The following PIGN variants were observed in gnomAD, a reference collection of about 807,000 sequenced individuals.
The protein encoded by PIGN is phosphatidylinositol glycan anchor biosynthesis class N, also known as GPI ethanolamine phosphate transferase 1.
A neutral mutation model predicts 125.4 loss-of-function variants in PIGN; 117 were observed. That is an observed-to-expected ratio of 0.93 (90% CI 0.80 to 1.09). PIGN has a LOEUF of 1.09. Ranked by LOEUF, PIGN falls within the 50% of genes least tolerant of loss-of-function variation. The pLI is 0.00. For synonymous variants in PIGN, 392 were observed against 377.8 expected (o/e 1.04, Z -0.44); for missense variants, 1,075 against 1,094.9 (o/e 0.98, Z 0.26).
rs956647836 is a variant in PIGN at position 62,100,298 on chromosome 18, T to A, written c.2077+777A>T. Among the ~76,000 whole-genome samples, 19 of 152,262 alleles carry A rather than the reference T, an allele frequency of 1.2e-4. No homozygotes were observed. The East Asian group carries it at 2.3e-3, about 19-fold the overall frequency. ...CTCACCCCAGTTAGAATTGCTATTA[T>A]CAAAAAGATAAAAAATAGCAGATGC... On this transcript the variant is annotated intron_variant, in intron 22 of 30. Transcript: ENST00000640252.
intron 4 of PIGN, among the ~76,000 whole-genome samples, chr18:62,160,715 G>A (rs761432466): frequency 1.3e-5 from 2 of 151,974 alleles, no homozygotes; most frequent in African/African-American, 2.4e-5. Context: ...CTCCATGTTG[G>A]TCAGGCTGGT....
chr18:62,163,486 G>A (rs528888796), intron 2 of PIGN, 45 bp downstream of exon 2: 19 of 152,158 alleles, frequency 1.2e-4, no homozygotes, highest in African/African-American at 4.6e-4. Flanking sequence ...AATACCCTCA[G>A]AGAATACGAA....
intron 22 of PIGN, among the ~76,000 whole-genome samples, chr18:62,099,361 T>C (rs2034344787): frequency 6.6e-6 from 1 of 152,104 alleles, no homozygotes; most frequent in Admixed American, 6.5e-5. Flanking sequence ...CATTCCACAA[T>C]GATAATGTAA....
intron 28 of PIGN, among the ~76,000 whole-genome samples, chr18:62,080,876 G>T (rs1018122940): frequency 7.2e-5 from 11 of 152,012 alleles, no homozygotes; most frequent in African/African-American, 2.7e-4. Context: ...AAACTATCAG[G>T]TAATCTTCAT....
intron 28 of PIGN, among the ~76,000 whole-genome samples, chr18:62,078,658 C>T (rs545708778): frequency 8.3e-4 from 127 of 152,334 alleles, no homozygotes; most frequent in Non-Finnish European, 1.2e-3. Context: ...CATTCCCTTG[C>T]TCTAAATACA....
At chr18:62,107,872 A>G (rs1022639966) in intron 17 of PIGN, among the ~76,000 whole-genome samples, 2 of 152,150 alleles carry the variant, frequency 1.3e-5, no homozygotes, top group African/African-American at 4.8e-5. Context: ...GAGCTAAATA[A>G]CCTTTTCCAA....
At chr18:62,056,184 GAA>G (rs2031717127) in intron 30 of PIGN, among the ~76,000 whole-genome samples, 1 of 150,426 alleles carries the variant, frequency 6.6e-6, no homozygotes, top group South Asian at 2.1e-4. Context: ...CAAAGGAAAC[GAA>G]AAGTTTCTAC....
intron 1 of PIGN, among the ~76,000 whole-genome samples, chr18:62,184,874 T>C (rs976493725): frequency 2.6e-5 from 4 of 152,226 alleles, no homozygotes; most frequent in Non-Finnish European, 4.4e-5. Context: ...GTAATAGTTA[T>C]TGTGTAGCAG....
intron 4 of PIGN, 139 bp downstream of exon 4, chr18:62,160,994 G>T (rs1599662731): frequency 1.8e-6 from 1 of 570,166 alleles, no homozygotes; most frequent in East Asian, 2.8e-5. Flanking sequence ...ATAAGACAAA[G>T]GCAAATGTAC....
At chr18:62,172,932 T>C (rs1009478445) in intron 1 of PIGN, among the ~76,000 whole-genome samples, 10 of 152,190 alleles carry the variant, frequency 6.6e-5, no homozygotes, top group African/African-American at 1.9e-4. Context: ...AGAAGTATTA[T>C]GGGAAATAAG....
intron 1 of PIGN, among the ~76,000 whole-genome samples, chr18:62,174,874 C>T (rs2037466322): frequency 6.6e-6 from 1 of 150,646 alleles, no homozygotes; most frequent in African/African-American, 2.4e-5. Flanking sequence ...ACAATGAGAC[C>T]ATTTTTAAAC....
At chr18:62,132,710 A>G (rs2035785047) in intron 14 of PIGN, among the ~76,000 whole-genome samples, 2 of 152,178 alleles carry the variant, frequency 1.3e-5, no homozygotes, top group South Asian at 4.1e-4. Flanking sequence ...AATTCTGATT[A>G]TGATGCTAGC....
chr18:62,136,783 T>C, intron 14 of PIGN: 1 of 324,488 alleles, frequency 3.1e-6, no homozygotes, highest in East Asian at 4.9e-5. Flanking sequence ...AAATCCTTGC[T>C]AATTGAATGT....
intron 30 of PIGN, among the ~76,000 whole-genome samples, chr18:62,067,682 C>G (rs561470135): frequency 6.6e-6 from 1 of 152,266 alleles, no homozygotes; most frequent in South Asian, 2.1e-4. Flanking sequence ...TAAGTAATAT[C>G]CCATTGTATG....
At chr18:62,048,187 A>G (rs1267321430) in intron 30 of PIGN, among the ~76,000 whole-genome samples, 2 of 152,152 alleles carry the variant, frequency 1.3e-5, no homozygotes, top group Non-Finnish European at 2.9e-5. Context: ...AAAAAAAATG[A>G]ACAGAGTCTC....
intron 7 of PIGN, 50 bp downstream of exon 7, chr18:62,154,495 C>T (rs1397037150): frequency 2.3e-6 from 2 of 864,764 alleles, no homozygotes; most frequent in South Asian, 2.8e-5. Flanking sequence ...GTCTCCAATA[C>T]TTCAGGTAAA....
intron 28 of PIGN, chr18:62,075,244 T>C (rs1472771469): frequency 1.3e-5 from 2 of 155,908 alleles, no homozygotes; most frequent in South Asian, 2.0e-4. Context: ...GTAAAGAGTG[T>C]TCCCATCAGC....
intron 27 of PIGN, 27 bp from the exon 28 acceptor site, chr18:62,082,773 G>C: frequency 8.3e-7 from 1 of 1,200,956 alleles, no homozygotes. Context: ...AATGATGCAA[G>C]GAATAACTGA....
chr18:62,080,675 GA>G (rs1193280922), intron 28 of PIGN, among the ~76,000 whole-genome samples: 2 of 152,270 alleles, frequency 1.3e-5, no homozygotes, highest in East Asian at 1.9e-4. Flanking sequence ...AGAAAAACAC[GA>G]GGGTAAAAGC....
Sources: gnomAD v4.1 joint callset for allele counts (sites outside exome capture counted in the v4.1 genomes callset) on GRCh38, gnomAD v4.1.1 for gene constraint, MANE v1.5 for transcripts, NCBI Gene and HGNC (gene_info 2026-07-23, HGNC 2026-07-21) for gene names.